Variants in LRRC32 observed in about 807,000 individuals in gnomAD.
LRRC32 encodes transforming growth factor beta activator LRRC32.
A neutral mutation model predicts 15.0 loss-of-function variants in LRRC32; 5 were observed. The ratio of observed to expected loss-of-function variants is 0.33; its 90% CI spans 0.17 to 0.70. LRRC32 has a LOEUF of 0.70. Among genes scored for constraint, LRRC32 ranks in the 30% least tolerant of loss-of-function variants. LRRC32 has a pLI of 0.66. For synonymous variants in LRRC32, 391 were observed against 403.9 expected (o/e 0.97, Z 0.38); for missense variants, 803 against 854.2 (o/e 0.94, Z 0.75).
chr11:76,659,383 T>C lies in LRRC32; in HGVS notation c.*221A>G. The C allele has an allele frequency of 1.8e-6, 1 of 565,456 alleles. No individual in the cohort carries two copies. Among genetic ancestry groups the C allele is most frequent in the South Asian group, 2.3e-5 (1 of 43,302 alleles). 35.0% of individuals were successfully genotyped at this position (565,456 alleles called of 1,614,324 possible). On this transcript the variant is annotated 3_prime_UTR_variant, in exon 3 of 3. Coordinates refer to ENST00000260061, the MANE Select transcript of LRRC32 (RefSeq NM_001128922.2). ...GACAGGTCAACATTATTCTCGGCTG[T>C]CCCTGAAACCGCCCAACTTCTGGCT... is the stretch of plus-strand genomic sequence containing the variant.
intron 1 of LRRC32, among the ~76,000 whole-genome samples, chr11:76,669,604 A>G (rs1481585995): frequency 6.6e-6 from 1 of 152,128 alleles, no homozygotes; most frequent in East Asian, 1.9e-4. Context: ...ACTTACCCCC[A>G]GAGTTACCCA....
intron 1 of LRRC32, chr11:76,669,758 T>A (rs901588841): frequency 1.3e-5 from 2 of 152,292 alleles, no homozygotes; most frequent in African/African-American, 4.8e-5. Flanking sequence ...GAGAAGTGAC[T>A]TACCCAAAGT....
intron 1 of LRRC32, among the ~76,000 whole-genome samples, chr11:76,668,838 C>T (rs1952665987): frequency 1.3e-5 from 2 of 152,312 alleles, no homozygotes; most frequent in South Asian, 4.1e-4. Flanking sequence ...CCCAAGGTGG[C>T]CCTGTGCACA....
rs1287226320 is a variant in LRRC32, at chr11:76,659,321, G to C, written c.*283C>G. The C allele has an allele frequency of 2.4e-6, 1 of 415,884 alleles. No individual in the cohort carries two copies. The highest frequency in any genetic ancestry group is 4.4e-6 in the Non-Finnish European group (1 of 228,334). 25.8% of individuals were successfully genotyped at this position (415,884 alleles called of 1,614,324 possible). ...ATTCCCAGTGCCCAGAGCAGGGTGT[G>C]GCACAAAATACATGCTCAGTGAAGA... On this transcript the variant is annotated 3_prime_UTR_variant, in exon 3 of 3. Transcript: ENST00000260061.
chr11:76,661,047 G>T lies in LRRC32; in HGVS notation c.546C>A (p.Ser182Arg), dbSNP rs763014769. 1 of 1,614,240 alleles carries T rather than the reference G, an allele frequency of 6.2e-7. No individual in the cohort carries two copies. The highest frequency in any genetic ancestry group is 2.2e-5 in the East Asian group (1 of 44,884). ...MPALEQLDLHSNVLMDIEDGA... is the reference protein window; with the variant it reads ...MPALEQLDLHRNVLMDIEDGA... Reference sequence around the variant, plus strand: ...CATCCTCGATGTCCATCAGCACGTTGCTATGCAGGTCAAGCTGCTCCAGCG... The same window carrying T: ...CATCCTCGATGTCCATCAGCACGTTTCTATGCAGGTCAAGCTGCTCCAGCG... The change falls in exon 3 of 3, where the codon AGC becomes AGA. Residue 182 changes from serine to arginine, a missense_variant. By Grantham distance (110) the Ser-to-Arg change is moderately radical. Coordinates refer to ENST00000260061, the MANE Select transcript of LRRC32 (RefSeq NM_001128922.2).
At chr11:76,668,235 T>TCAGAG (rs1952656913) in intron 1 of LRRC32, among the ~76,000 whole-genome samples, 8 of 152,070 alleles carry the variant, frequency 5.3e-5, no homozygotes, top group Non-Finnish European at 1.2e-4. Flanking sequence ...ATCCATGCCG[T>TCAGAG]CAGTGGGCTC....
At chr11:76,666,272 C>T (rs1361480885) in intron 1 of LRRC32, among the ~76,000 whole-genome samples, 1 of 152,136 alleles carries the variant, frequency 6.6e-6, no homozygotes, top group Admixed American at 6.5e-5. Context: ...GGAGGGGATG[C>T]ACAGAAGGCT....
In LRRC32 at chr11:76,661,093, T is replaced by C. The variant is rs754506576; in HGVS notation, c.500A>G (p.His167Arg). The C allele has an allele frequency of 1.2e-6, 2 of 1,614,068 alleles. No individual in the cohort carries two copies. The highest frequency in any genetic ancestry group is 3.3e-5 in the Admixed American group (2 of 60,034). ...CAGCGCAGGCATGTCCCGGAAGGTG[T>C]GGCGGGTGAGGCGAGTCAGACTGTT... Reference protein sequence around the residue: ...AENSLTRLTRHTFRDMPALEQ... With the variant: ...AENSLTRLTRRTFRDMPALEQ... The change falls in exon 3 of 3, where the codon CAC (histidine) becomes CGC (arginine). Residue 167 changes from histidine to arginine, a missense_variant. Physicochemically the swap from His to Arg is conservative, Grantham distance 29. Coordinates refer to ENST00000260061, the MANE Select transcript of LRRC32 (RefSeq NM_001128922.2).
At position 76,661,537 on chromosome 11, in the gene LRRC32, T is replaced by C. The variant is rs768477080; in HGVS notation, c.85-29A>G. On this transcript the variant is annotated intron_variant, in intron 2 of 2. Transcript: ENST00000260061. ...GGGAGGGGTAGGGTGGGGAGACAGC[T>C]GGCATAAGTGGGCACGGTAGGGGAT... The C allele has an allele frequency of 1.3e-5, 20 of 1,550,868 alleles. No individual in the cohort carries two copies. The South Asian group carries it at 1.9e-4, about 15-fold the overall frequency.
rs1480671024 is a variant in LRRC32 at position 76,665,882 on chromosome 11, G to T, written c.73C>A (p.Pro25Thr). Residue 25 changes from proline to threonine, a missense_variant, in exon 2 of 3, where the codon CCC (proline) becomes ACC (threonine). Coordinates refer to ENST00000260061, the MANE Select transcript of LRRC32 (RefSeq NM_001128922.2). Reference sequence around the variant, plus strand: ...GCAGAGCATCTTACCATCTTACAGGGCACTTTGTCTTGGTGTTGTGCAGCC... The same window carrying T: ...GCAGAGCATCTTACCATCTTACAGGTCACTTTGTCTTGGTGTTGTGCAGCC... ...GLAAQHQDKV[P>T]CKMVDKKVSC... 1.9e-6 allele frequency: 3 copies of T among 1,614,078 alleles called. No individual in the cohort carries two copies. The highest frequency in any genetic ancestry group is 2.5e-6 in the Non-Finnish European group (3 of 1,179,962).
chr11:76,660,539 G>T lies in LRRC32; in HGVS notation c.1054C>A (p.Arg352=), dbSNP rs776714487. The T allele has an allele frequency of 3.1e-6, 5 of 1,614,156 alleles. No individual in the cohort carries two copies. The highest frequency in any genetic ancestry group is 4.5e-5 in the East Asian group (2 of 44,870). Residue 352 remains arginine (R), a synonymous_variant, in exon 3 of 3, where the codon CGG becomes AGG. Transcript: ENST00000260061. The part of the protein sequence containing the change: ...CFLNLSRNCL[R]TFEARRLGSL... ...CCTAAGCGCCGGGCCTCAAAGGTCC[G>T]CAAGCAGTTTCTGCTGAGGTTCAGG...
intron 2 of LRRC32, among the ~76,000 whole-genome samples, chr11:76,665,462 C>A (rs1253270807): frequency 1.3e-5 from 2 of 152,120 alleles, no homozygotes; most frequent in Non-Finnish European, 2.9e-5. Context: ...GATTTGTCTC[C>A]AAGAGGGATG....
rs1267443412 is a variant in LRRC32 at position 76,659,304 on chromosome 11, T to G, written c.*300A>C. On this transcript the variant is annotated 3_prime_UTR_variant, in exon 3 of 3. Coordinates refer to ENST00000260061, the MANE Select transcript of LRRC32 (RefSeq NM_001128922.2). Reference sequence around the variant, plus strand: ...GTATCTCATTTCCCAGCATTCCCAGTGCCCAGAGCAGGGTGTGGCACAAAA... The same window carrying G: ...GTATCTCATTTCCCAGCATTCCCAGGGCCCAGAGCAGGGTGTGGCACAAAA... 2.9e-6 allele frequency: 1 copy of G among 340,506 alleles called. No homozygotes were observed. Among genetic ancestry groups the G allele is most frequent in the Non-Finnish European group, 5.4e-6 (1 of 185,046 alleles). The allele number at this position is 340,506 out of a possible 1,614,324, so 21.1% of individuals were successfully genotyped here.
rs771527477 is a variant in LRRC32 at position 76,660,598 on chromosome 11, T to C, written c.995A>G (p.Asp332Gly). 2.4e-5 allele frequency: 38 copies of C among 1,614,076 alleles called. No individual in the cohort carries two copies. Among genetic ancestry groups the C allele is most frequent in the Non-Finnish European group, 3.1e-5 (36 of 1,179,984 alleles). ...LSYNEIELIP[D>G]SFLEHLTSLC... ...GGAGGTCAGGTGCTCAAGAAAGCTGTCGGGGATGAGCTCAATCTCATTGTA... is the reference window on the plus strand; with the variant it reads ...GGAGGTCAGGTGCTCAAGAAAGCTGCCGGGGATGAGCTCAATCTCATTGTA... Residue 332 changes from aspartate to glycine, a missense_variant, in exon 3 of 3, where the codon GAC becomes GGC. By Grantham distance (94) the Asp-to-Gly change is moderately conservative. Transcript: ENST00000260061.
At chr11:76,667,578 C>T (rs1363779057) in intron 1 of LRRC32, among the ~76,000 whole-genome samples, 3 of 152,266 alleles carry the variant, frequency 2.0e-5, no homozygotes, top group African/African-American at 2.4e-5. Flanking sequence ...GGGCCACAGG[C>T]GCTGCCCCTG....
At position 76,665,919 on chromosome 11, in the gene LRRC32, C is replaced by A; in HGVS notation, c.36G>T (p.Leu12=). The change falls in exon 2 of 3, where the codon CTG becomes CTT. Residue 12 remains leucine (L), a synonymous_variant. Transcript: ENST00000260061. ...GGTGTTGTGCAGCCAGGCCTAGGGT[C>A]AGCAGGGCCAGGAGCAGCAGGATCT... ...RPQILLLLAL[L]TLGLAAQHQD... 6.2e-7 allele frequency: 1 copy of A among 1,614,046 alleles called. No individual in the cohort carries two copies. Among genetic ancestry groups the A allele is most frequent in the South Asian group, 1.1e-5 (1 of 91,054 alleles).
At chr11:76,666,202 C>G (rs183975913) in intron 1 of LRRC32, among the ~76,000 whole-genome samples, 2 of 152,194 alleles carry the variant, frequency 1.3e-5, no homozygotes, top group Non-Finnish European at 2.9e-5. Context: ...GAGTTTTAAG[C>G]GGCAGGTGAC....
In LRRC32 at chr11:76,661,072, G is replaced by A. The variant is rs147235606; in HGVS notation, c.521C>T (p.Ala174Val). 212 of 1,614,254 alleles carry A rather than the reference G, an allele frequency of 1.3e-4. No individual in the cohort carries two copies. In the East Asian group the frequency reaches 3.3e-3, roughly 25 times the overall value. The change falls in exon 3 of 3, where the codon GCG (alanine) becomes GTG (valine). Residue 174 changes from alanine to valine, a missense_variant. Coordinates refer to ENST00000260061, the MANE Select transcript of LRRC32 (RefSeq NM_001128922.2). ...LTRHTFRDMP[A>V]LEQLDLHSNV... ...GCTATGCAGGTCAAGCTGCTCCAGC[G>A]CAGGCATGTCCCGGAAGGTGTGGCG... is the stretch of plus-strand genomic sequence containing the variant.
intron 1 of LRRC32, among the ~76,000 whole-genome samples, chr11:76,669,345 ATGTGTGTGTGTGTGTG>A (rs112355864): frequency 1.6e-5 from 2 of 123,480 alleles, no homozygotes; most frequent in African/African-American, 6.5e-5. Flanking sequence ...GTGCCAAAGA[ATGTGTGTGTGTGTGTG>A]TGTGTGTGTG....
Sources: allele counts gnomAD v4.1 joint callset (sites outside exome capture counted in the v4.1 genomes callset), GRCh38; gene constraint gnomAD v4.1.1; transcripts MANE v1.5; gene names NCBI Gene and HGNC (gene_info 2026-07-23, HGNC 2026-07-21).